Variants in OR2AJ1 observed in about 807,000 individuals in gnomAD.
The protein encoded by OR2AJ1 is olfactory receptor family 2 subfamily AJ member 1.
For synonymous variants in OR2AJ1, 105 were observed against 60.3 expected, an observed-to-expected ratio of 1.74 and a Z score of -3.44; for missense variants, 280 against 163.2, an observed-to-expected ratio of 1.72 and a Z score of -3.90.
rs1215504705 is a variant in OR2AJ1 at position 247,925,126 on chromosome 1, G to A, written c.-65G>A. ...GGGTGTTGAGCCCAGTGTGCTAAAT[G>A]TGAAAGGCCCTGCCTGGAATGTCCT... is the stretch of plus-strand genomic sequence containing the variant. On this transcript the variant is annotated 5_prime_UTR_variant, in exon 1 of 2. In the 5' UTR this introduces an upstream ATG that the reference lacks. Transcript: ENST00000318244. The A allele has an allele frequency of 6.6e-6, 1 of 152,406 alleles. No homozygotes were observed. Among genetic ancestry groups the A allele is most frequent in the African/African-American group, 2.4e-5 (1 of 41,442 alleles). 9.4% of individuals were successfully genotyped at this position (152,406 alleles called of 1,614,324 possible).
rs1660202115 is a variant in OR2AJ1, at chr1:247,935,038, G to T, written c.*283G>T. ...CTAAAAATACAGTCACACATCCATT[G>T]TATAAAAGACAAATCCATGTTTATT... On this transcript the variant is annotated 3_prime_UTR_variant, in exon 2 of 2. Coordinates refer to ENST00000318244, the MANE Select transcript of OR2AJ1 (RefSeq NM_001355235.2). 8.0e-6 allele frequency: 2 copies of T among 248,536 alleles called. No homozygotes were observed. Among genetic ancestry groups the T allele is most frequent in the Admixed American group, 1.1e-4 (2 of 18,790 alleles). The allele number at this position is 248,536 out of a possible 1,614,324, so 15.4% of individuals were successfully genotyped here. A position where few individuals can be genotyped will look rare whatever the true frequency, so the allele number is the denominator to read the frequency against.
intron 1 of OR2AJ1, among the ~76,000 whole-genome samples, chr1:247,931,660 G>A (rs1660153974): frequency 6.6e-6 from 1 of 152,142 alleles, no homozygotes; most frequent in Non-Finnish European, 1.5e-5. Context: ...AAGCCAGTAT[G>A]AAATACAGAG....
chr1:247,928,174 GTTA>G (rs1660113017), intron 1 of OR2AJ1, among the ~76,000 whole-genome samples: 1 of 152,006 alleles, frequency 6.6e-6, no homozygotes, highest in Non-Finnish European at 1.5e-5. Context: ...ACCAGCATTT[GTTA>G]TTTTTTGTCT....
In OR2AJ1 at chr1:247,934,605, G is replaced by A. The variant is rs763027223; in HGVS notation, c.837G>A (p.Thr279=). Residue 279 remains threonine, a synonymous_variant, in exon 2 of 2, where the codon ACG becomes ACA. Coordinates refer to ENST00000318244, the MANE Select transcript of OR2AJ1 (RefSeq NM_001355235.2). ...GQDKFLAIFY[T]ILTPTLNPFI... ...ATAAGTTCCTGGCAATATTCTATAC[G>A]ATCCTCACACCCACACTCAACCCTT... 4 of 717,748 alleles carry A rather than the reference G, an allele frequency of 5.6e-6. No individual in the cohort carries two copies. The highest frequency in any genetic ancestry group is 2.0e-5 in the Admixed American group (1 of 50,006). The allele number at this position is 717,748 out of a possible 1,614,324, so 44.5% of individuals were successfully genotyped here. A position where few individuals can be genotyped will look rare whatever the true frequency, so the allele number is the denominator to read the frequency against.
intron 1 of OR2AJ1, among the ~76,000 whole-genome samples, chr1:247,931,192 AT>A (rs1442326332): frequency 2.0e-5 from 3 of 152,180 alleles, no homozygotes; most frequent in Non-Finnish European, 4.4e-5. Flanking sequence ...TAGAGTGTAT[AT>A]TTTTCTCCAA....
At chr1:247,930,892 C>A (rs1250012447) in intron 1 of OR2AJ1, among the ~76,000 whole-genome samples, 1 of 152,160 alleles carries the variant, frequency 6.6e-6, no homozygotes, top group Non-Finnish European at 1.5e-5. Flanking sequence ...TGGTGTCACT[C>A]TATATTTCTT....
intron 1 of OR2AJ1, among the ~76,000 whole-genome samples, chr1:247,929,489 G>T (rs1229854537): frequency 6.6e-6 from 1 of 151,758 alleles, no homozygotes; most frequent in East Asian, 1.9e-4. Flanking sequence ...AAACAAAAAA[G>T]AGTAAGAATA....
chr1:247,926,894 G>A (rs1660096801), intron 1 of OR2AJ1, among the ~76,000 whole-genome samples: 1 of 152,138 alleles, frequency 6.6e-6, no homozygotes, highest in Non-Finnish European at 1.5e-5. Flanking sequence ...CAAGCAAGAT[G>A]CCCCCTGTAT....
chr1:247,929,229 G>A (rs1290542108), intron 1 of OR2AJ1, among the ~76,000 whole-genome samples: 8 of 152,108 alleles, frequency 5.3e-5, no homozygotes, highest in Non-Finnish European at 8.8e-5. Context: ...TGAGGAAGCC[G>A]ACCTAAACAT....
intron 1 of OR2AJ1, among the ~76,000 whole-genome samples, chr1:247,933,071 GTC>G (rs1558371460): frequency 6.6e-6 from 1 of 152,108 alleles, no homozygotes; most frequent in African/African-American, 2.4e-5. Flanking sequence ...ATTTTGGAAA[GTC>G]TTAGAATTAT....
chr1:247,928,792 A>G (rs1660120418), intron 1 of OR2AJ1, among the ~76,000 whole-genome samples: 1 of 152,128 alleles, frequency 6.6e-6, no homozygotes, highest in African/African-American at 2.4e-5. Context: ...CATCATATCC[A>G]TATGCTAAAG....
At chr1:247,931,328 C>T (rs1305985007) in intron 1 of OR2AJ1, among the ~76,000 whole-genome samples, 1 of 152,180 alleles carries the variant, frequency 6.6e-6, no homozygotes, top group Non-Finnish European at 1.5e-5. Flanking sequence ...TCTCCACTTT[C>T]AAACACGGAA....
chr1:247,929,591 C>G (rs1432682299), intron 1 of OR2AJ1, among the ~76,000 whole-genome samples: 1 of 83,258 alleles, frequency 1.2e-5, no homozygotes, highest in Non-Finnish European at 3.0e-5. Context: ...TATTCCCCCC[C>G]TTCACTCGGT....
At chr1:247,928,831 A>G (rs1170079795) in intron 1 of OR2AJ1, among the ~76,000 whole-genome samples, 2 of 152,284 alleles carry the variant, frequency 1.3e-5, no homozygotes, top group Non-Finnish European at 2.9e-5. Context: ...GCGGTGCCTC[A>G]CGCCTGTAAT....
At chr1:247,932,326 A>G (rs1660163014) in intron 1 of OR2AJ1, among the ~76,000 whole-genome samples, 1 of 152,174 alleles carries the variant, frequency 6.6e-6, no homozygotes, top group African/African-American at 2.4e-5. Context: ...ACAGAGCAAG[A>G]CTCTGTCTCA....
intron 1 of OR2AJ1, 56 bp from the exon 2 acceptor site, chr1:247,933,691 G>T (rs1660177981): frequency 1.8e-6 from 1 of 541,150 alleles, no homozygotes; most frequent in Non-Finnish European, 3.3e-6. Flanking sequence ...ATTATTGTTA[G>T]ATTAAGATTT....
Position 247,934,466 on chromosome 1 carries a change from CA to C in OR2AJ1, c.700del (p.Arg234GlyfsTer12). 1 of 717,482 alleles carries C rather than the reference CA, an allele frequency of 1.4e-6. No homozygotes were observed. Among genetic ancestry groups the C allele is most frequent in the South Asian group, 1.5e-5 (1 of 67,594 alleles). The allele number at this position is 717,482 out of a possible 1,614,324, so 44.4% of individuals were successfully genotyped here. On this transcript the variant is annotated frameshift_variant, in exon 2 of 2. Coordinates refer to ENST00000318244, the MANE Select transcript of OR2AJ1 (RefSeq NM_001355235.2). LOFTEE classifies it low-confidence loss of function (END_TRUNC). ...GTCCTCCAGATGAAATCATCAGAGG[CA>C]AGGAAAAAGTCATTTTCCACTTGTT... ...LTVLQMKSSE[A>X]RKKSFSTCSF...
rs111289481 is a variant in OR2AJ1, at chr1:247,933,427, G to T, written c.-22-320G>T. ...TGGGAGCCCTACAATTTTTTAAAGG[G>T]TGTGCAAGGATAGGCCTCCTTGGGA... On this transcript the variant is annotated intron_variant, in intron 1 of 1. Coordinates refer to ENST00000318244, the MANE Select transcript of OR2AJ1 (RefSeq NM_001355235.2). 2.6e-5 allele frequency among the ~76,000 whole-genome samples: 4 copies of T among 152,296 alleles called. No homozygotes were observed. In the South Asian group the frequency reaches 8.3e-4, roughly 32 times the overall value.
chr1:247,935,225 T>A lies in OR2AJ1; in HGVS notation c.*470T>A, dbSNP rs1251149056. The A allele has an allele frequency of 6.5e-6, 1 of 153,706 alleles. No homozygotes were observed. Among genetic ancestry groups the A allele is most frequent in the South Asian group, 2.0e-4 (1 of 4,926 alleles). The allele number at this position is 153,706 out of a possible 1,614,324, so 9.5% of individuals were successfully genotyped here. Reference sequence around the variant, plus strand: ...ACACACACATATATATGTACACACATATATACAGATATAAGTTGTGTTAAA... The same window carrying A: ...ACACACACATATATATGTACACACAAATATACAGATATAAGTTGTGTTAAA... On this transcript the variant is annotated 3_prime_UTR_variant, in exon 2 of 2. Transcript: ENST00000318244.
Sources: gnomAD v4.1 joint callset for allele counts (sites outside exome capture counted in the v4.1 genomes callset) on GRCh38, gnomAD v4.1.1 for gene constraint, MANE v1.5 for transcripts, NCBI Gene and HGNC (gene_info 2026-07-23, HGNC 2026-07-21) for gene names.